TJP1: variants seen among roughly 807,000 people sequenced by gnomAD.
TJP1 encodes the protein tight junction protein 1, also known as tight junction protein ZO-1.
In TJP1, 43 loss-of-function variants were observed where a neutral mutation model predicts 194.2. That is an observed-to-expected ratio of 0.22 (90% CI 0.17 to 0.29). The LOEUF (loss-of-function observed/expected upper bound fraction) is 0.29, where lower values mean the gene tolerates loss of function less well. TJP1 is among the 10% of genes least tolerant of loss of function. The pLI, the probability that TJP1 is intolerant of heterozygous loss-of-function variation, is 1.00. For missense variants in TJP1, 1,971 were observed against 2,185.7 expected, an observed-to-expected ratio of 0.90 and a Z score of 1.96; for synonymous variants, 801 against 779.0, an observed-to-expected ratio of 1.03 and a Z score of -0.47.
intron 1 of TJP1, among the ~76,000 whole-genome samples, chr15:29,817,414 G>A (rs1399797264): frequency 6.6e-6 from 1 of 152,194 alleles, no homozygotes; most frequent in Non-Finnish European, 1.5e-5. Context: ...CATTGTGGAA[G>A]ATAGTATGGC....
chr15:29,781,317 G>A (rs1473490165), intron 2 of TJP1, among the ~76,000 whole-genome samples: 1 of 152,092 alleles, frequency 6.6e-6, no homozygotes, highest in Non-Finnish European at 1.5e-5. Flanking sequence ...CGCCGAAAGT[G>A]AATCAGTAGT....
rs779424333 is a variant in TJP1 at position 29,704,261 on chromosome 15, G to C, written c.5113C>G (p.Leu1705Val). The change falls in exon 27 of 28, where the codon CTC becomes GTC. Residue 1705 changes from leucine (L) to valine (V), a missense_variant. Transcript: ENST00000614355. ...AGCTCCACAGGCTTCAGGAACTTGA[G>C]GCCATGGGGACCACACATCACCAAA... ...SPLVMCGPHG[L>V]KFLKPVELRL... is the part of the protein sequence containing the mutation. 1.9e-6 allele frequency: 3 copies of C among 1,599,088 alleles called. No homozygotes were observed. In the South Asian group the frequency reaches 3.4e-5, roughly 18 times the overall value.
chr15:29,786,575 C>G (rs544210883), intron 2 of TJP1, among the ~76,000 whole-genome samples: 1 of 152,172 alleles, frequency 6.6e-6, no homozygotes, highest in Non-Finnish European at 1.5e-5. Context: ...TCACAGCTGA[C>G]TGTAACCTCA....
At chr15:29,881,368 C>T (rs528761222) in intron 2 of TJP1, among the ~76,000 whole-genome samples, 2 of 152,228 alleles carry the variant, frequency 1.3e-5, no homozygotes, top group East Asian at 3.9e-4. Context: ...ATACACGGTT[C>T]ACAAATATAT....
At chr15:29,894,542 C>T (rs1596202276) in intron 2 of TJP1, among the ~76,000 whole-genome samples, 1 of 152,306 alleles carries the variant, frequency 6.6e-6, no homozygotes, top group East Asian at 1.9e-4. Flanking sequence ...GCGGCTATAA[C>T]AAAATCCCAT....
intron 2 of TJP1, among the ~76,000 whole-genome samples, chr15:29,946,896 A>G (rs774033251): frequency 3.3e-5 from 5 of 152,228 alleles, no homozygotes; most frequent in Non-Finnish European, 5.9e-5. Flanking sequence ...CAGTAAAACA[A>G]GACTTCCTGA....
intron 2 of TJP1, among the ~76,000 whole-genome samples, chr15:29,850,826 A>C (rs1185573748): frequency 6.6e-6 from 1 of 151,766 alleles, no homozygotes; most frequent in African/African-American, 2.4e-5. Context: ...CTCTATGAGA[A>C]AAAACAAATA....
chr15:29,919,588 G>A (rs2054292034), intron 2 of TJP1, among the ~76,000 whole-genome samples: 1 of 152,156 alleles, frequency 6.6e-6, no homozygotes, highest in African/African-American at 2.4e-5. Flanking sequence ...GGTGTAACCA[G>A]GTGGAGTGCT....
rs2041741410 is a variant in TJP1, at chr15:29,704,176, G to A, written c.5198C>T (p.Ser1733Phe). The change falls in exon 27 of 28, where the codon TCC becomes TTC. Residue 1733 changes from serine (S) to phenylalanine (F), a missense_variant. By Grantham distance (155) the Ser-to-Phe change is radical. This residue lies in a region of TJP1 where 1,108 missense variants were observed against 1,128.5 expected (regional missense o/e 0.98). Transcript: ENST00000614355. ...AGACAGCATACCCGACGAGGAGTCG[G>A]ATGATTTTAGAGCAAAAGACCAACC... ...PDGWSFALKS[S>F]DSSSGDPKTW... 6.4e-7 allele frequency: 1 copy of A among 1,562,676 alleles called. No homozygotes were observed. Among genetic ancestry groups the A allele is most frequent in the East Asian group, 2.4e-5 (1 of 42,540 alleles).
Position 29,737,363 on chromosome 15 carries a change from C to T in TJP1, c.1308G>A (p.Arg436=). The change falls in exon 11 of 28, where the codon CGG becomes CGA. Residue 436 remains arginine (R), a synonymous_variant. Coordinates refer to ENST00000614355, the MANE Select transcript of TJP1 (RefSeq NM_001330239.4). ...KFRKGDSVGL[R]LAGGNDVGIF... is the part of the protein sequence containing the mutation. ...TTCCAACATCATTTCCACCAGCCAG[C>T]CGCAAACCCACACTATCTCCTTTTC... The T allele has an allele frequency of 3.7e-6, 6 of 1,614,194 alleles. No individual in the cohort carries two copies. Among genetic ancestry groups the T allele is most frequent in the Non-Finnish European group, 5.1e-6 (6 of 1,180,030 alleles).
chr15:29,841,090 T>A (rs888134500), intron 2 of TJP1, among the ~76,000 whole-genome samples: 1 of 152,104 alleles, frequency 6.6e-6, no homozygotes, highest in Admixed American at 6.5e-5. Flanking sequence ...GCATTTCCCA[T>A]GAGCAACAAG....
chr15:29,968,297 A>G (rs2222420), intron 1 of TJP1: 243,116 of 985,068 alleles, frequency 0.25, 30,503 homozygotes, highest in East Asian at 0.39. Context: ...TGTCTCCGCG[A>G]GAGCCTGGCT....
intron 8 of TJP1, among the ~76,000 whole-genome samples, chr15:29,753,089 T>G (rs114643870): frequency 0.013 from 1,981 of 152,298 alleles, 51 homozygotes; most frequent in East Asian, 0.096. Context: ...TTTATAGCAT[T>G]TAACCACTAA....
chr15:29,739,592 C>T (rs1300175281), intron 10 of TJP1, among the ~76,000 whole-genome samples: 4 of 151,836 alleles, frequency 2.6e-5, no homozygotes, highest in African/African-American at 9.7e-5. Context: ...TACAGGCGCC[C>T]GCCACCACGC....
chr15:29,816,549 A>G (rs1341753551), intron 1 of TJP1, among the ~76,000 whole-genome samples: 1 of 152,192 alleles, frequency 6.6e-6, no homozygotes, highest in Non-Finnish European at 1.5e-5. Flanking sequence ...GAGGATCATT[A>G]AAAGTTGGCA....
intron 2 of TJP1, among the ~76,000 whole-genome samples, chr15:29,942,237 G>A (rs1053635512): frequency 3.9e-5 from 6 of 152,152 alleles, no homozygotes; most frequent in Admixed American, 6.5e-5. Context: ...TCCCGAACTA[G>A]CAGTTGCTAA....
At chr15:29,823,930 A>G (rs977646515), upstream of TJP1, 2 of 151,448 alleles carry the variant, frequency 1.3e-5, no homozygotes, top group African/African-American at 4.9e-5. Context: ...TATTAAAAAT[A>G]CAAAAATTAG....
At chr15:29,808,603 AATG>A (rs2049272621) in intron 1 of TJP1, among the ~76,000 whole-genome samples, 1 of 152,246 alleles carries the variant, frequency 6.6e-6, no homozygotes. Context: ...GATTTTAAAA[AATG>A]ATAAGTGCTG....
chr15:29,911,234 G>T (rs749922784), intron 2 of TJP1, among the ~76,000 whole-genome samples: 3 of 152,164 alleles, frequency 2.0e-5, no homozygotes, highest in Non-Finnish European at 4.4e-5. Context: ...CACCAGATCT[G>T]CTCAGTCTCA....
Sources: allele counts gnomAD v4.1 joint callset (sites outside exome capture counted in the v4.1 genomes callset), GRCh38; gene constraint gnomAD v4.1.1; regional missense constraint gnomAD v4.1.1; transcripts MANE v1.5; gene names NCBI Gene and HGNC (gene_info 2026-07-23, HGNC 2026-07-21).